The following PLCB1 variants were observed in gnomAD, a reference collection of about 807,000 sequenced individuals.
The protein encoded by PLCB1 is phospholipase C beta 1.
PLCB1 carries 46 observed loss-of-function variants against 161.8 expected under a neutral mutation model. That is an observed-to-expected ratio of 0.28 (90% CI 0.22 to 0.36). The LOEUF is 0.36. PLCB1 is among the 10% of genes least tolerant of loss of function. PLCB1 has a pLI of 1.00. For synonymous variants in PLCB1, 517 were observed against 503.7 expected (o/e 1.03, Z -0.35); for missense variants, 1,016 against 1,472.5 (o/e 0.69, Z 5.07).
At chr20:8,612,837 A>C (rs1680802033) in intron 3 of PLCB1, among the ~76,000 whole-genome samples, 1 of 152,222 alleles carries the variant, frequency 6.6e-6, no homozygotes, top group Non-Finnish European at 1.5e-5. Flanking sequence ...TGTACCCGCA[A>C]GAAGGACATT....
At chr20:8,533,111 G>T (rs2122924318) in intron 3 of PLCB1, among the ~76,000 whole-genome samples, 1 of 151,646 alleles carries the variant, frequency 6.6e-6, no homozygotes, top group South Asian at 2.1e-4. Context: ...AGAACATGCG[G>T]TGTTTGGTTT....
chr20:8,789,519 G>A lies in PLCB1; in HGVS notation c.3280G>A (p.Glu1094Lys). The A allele has an allele frequency of 6.2e-7, 1 of 1,606,718 alleles. No individual in the cohort carries two copies. Among genetic ancestry groups the A allele is most frequent in the South Asian group, 1.1e-5 (1 of 90,918 alleles). The change falls in exon 30 of 32, where the codon GAG becomes AAG. Residue 1094 changes from glutamate to lysine, a missense_variant and splice_region_variant. Glu to Lys is a moderately conservative substitution (Grantham distance 56). Transcript: ENST00000338037. Reference protein sequence around the residue: ...KSKDKSQMEEEKTEMIRSYIQ... With the variant: ...KSKDKSQMEEKKTEMIRSYIQ... ...GATGTATTCATCATTTGCTTTTAGGGAGAAGACAGAGATGATCCGGTCATA... is the reference window on the plus strand; with the variant it reads ...GATGTATTCATCATTTGCTTTTAGGAAGAAGACAGAGATGATCCGGTCATA...
chr20:8,169,772 G>T (rs904769444), intron 2 of PLCB1, among the ~76,000 whole-genome samples: 1 of 152,128 alleles, frequency 6.6e-6, no homozygotes, highest in Non-Finnish European at 1.5e-5. Context: ...GGTGCGTGGT[G>T]CATGTGGCCT....
intron 3 of PLCB1, among the ~76,000 whole-genome samples, chr20:8,432,425 A>G (rs1195168087): frequency 6.6e-6 from 1 of 152,104 alleles, no homozygotes; most frequent in African/African-American, 2.4e-5. Flanking sequence ...CATAAATCCA[A>G]TCCTATCCTA....
chr20:8,468,816 T>C (rs1422699292), intron 3 of PLCB1, among the ~76,000 whole-genome samples: 1 of 152,178 alleles, frequency 6.6e-6, no homozygotes, highest in Admixed American at 6.5e-5. Flanking sequence ...AAAAATGATA[T>C]TAATTTTATC....
chr20:8,715,996 TACAGCAAATG>T (rs1211175997), intron 12 of PLCB1: 31 of 370,952 alleles, frequency 8.4e-5, no homozygotes, highest in African/African-American at 6.1e-4. Flanking sequence ...AGGCTCCAGT[TACAGCAAATG>T]ACATGCTGTC....
At chr20:8,764,809 G>T (rs190192471) in intron 25 of PLCB1, among the ~76,000 whole-genome samples, 1 of 152,082 alleles carries the variant, frequency 6.6e-6, no homozygotes. Flanking sequence ...CCCCAGCCCC[G>T]TCTGCTTTCC....
chr20:8,292,122 G>C lies in PLCB1; in HGVS notation c.178-79260G>C, dbSNP rs148243827. On this transcript the variant is annotated intron_variant, in intron 2 of 31. Transcript: ENST00000338037. The stretch of plus-strand genomic sequence containing the variant: ...GGTTTTATGCTTATGACCCTCTGTG[G>C]TAATTCTAAGGGAGCTAAAGTTCTA... Among the ~76,000 whole-genome samples the C allele has an allele frequency of 5.6e-4, 85 of 152,178 alleles. 1 individual carries two copies. The highest frequency in any genetic ancestry group is 2.0e-3 in the African/African-American group (82 of 41,536).
At chr20:8,637,348 C>T (rs922501692) in intron 4 of PLCB1, among the ~76,000 whole-genome samples, 2 of 152,068 alleles carry the variant, frequency 1.3e-5, no homozygotes, top group African/African-American at 4.8e-5. Context: ...TATTTACAGG[C>T]ATAATCAGCC....
intron 31 of PLCB1, among the ~76,000 whole-genome samples, chr20:8,808,541 A>G (rs1384236357): frequency 6.6e-6 from 1 of 152,200 alleles, no homozygotes; most frequent in African/African-American, 2.4e-5. Flanking sequence ...GGTAGACACA[A>G]TTCAGTCCAT....
At chr20:8,615,499 T>C (rs1002246072) in intron 3 of PLCB1, among the ~76,000 whole-genome samples, 7 of 152,204 alleles carry the variant, frequency 4.6e-5, no homozygotes, top group Non-Finnish European at 8.8e-5. Context: ...AATGCAACAA[T>C]GCACAGACAT....
intron 2 of PLCB1, among the ~76,000 whole-genome samples, chr20:8,250,974 C>A (rs1173490019): frequency 1.3e-5 from 2 of 151,978 alleles, no homozygotes. Context: ...GCTATTACAA[C>A]AATACCTTAG....
intron 2 of PLCB1, among the ~76,000 whole-genome samples, chr20:8,332,419 C>A (rs1227949316): frequency 6.6e-6 from 1 of 152,142 alleles, no homozygotes; most frequent in African/African-American, 2.4e-5. Context: ...GTATATTAAC[C>A]AGAAAATTCT....
intron 9 of PLCB1, among the ~76,000 whole-genome samples, chr20:8,671,727 A>G (rs1291481865): frequency 6.6e-6 from 1 of 152,194 alleles, no homozygotes; most frequent in African/African-American, 2.4e-5. Flanking sequence ...AGAAGGCAGG[A>G]TACCTTTCCT....
chr20:8,449,946 G>A (rs1980999025), intron 3 of PLCB1, among the ~76,000 whole-genome samples: 1 of 152,112 alleles, frequency 6.6e-6, no homozygotes, highest in Non-Finnish European at 1.5e-5. Context: ...ATAAAACCTA[G>A]GCGTATTTGG....
intron 2 of PLCB1, among the ~76,000 whole-genome samples, chr20:8,231,739 G>A (rs963161536): frequency 2.6e-5 from 4 of 151,638 alleles, no homozygotes; most frequent in Admixed American, 1.3e-4. Flanking sequence ...CCCTGTGCAG[G>A]GCAGTCATTG....
rs535729001 is a variant in PLCB1, at chr20:8,697,382, T to C, written c.1010-244T>C. On this transcript the variant is annotated intron_variant, in intron 10 of 31. Transcript: ENST00000338037. The stretch of plus-strand genomic sequence containing the variant: ...AAACCTGTAATTGGCACATGGTAAA[T>C]AGTTAATAAACATGCATCGTTGTTA... Among the ~76,000 whole-genome samples, 70 of 152,316 alleles carry C rather than the reference T, an allele frequency of 4.6e-4. No homozygotes were observed. In the Middle Eastern group the frequency reaches 0.01, roughly 22 times the overall value.
At chr20:8,477,334 G>T (rs879225238) in intron 3 of PLCB1, among the ~76,000 whole-genome samples, 1 of 152,072 alleles carries the variant, frequency 6.6e-6, no homozygotes, top group African/African-American at 2.4e-5. Flanking sequence ...CTATCTAATC[G>T]TTTGGATGTC....
chr20:8,508,829 T>C (rs1983754520), intron 3 of PLCB1, among the ~76,000 whole-genome samples: 1 of 152,084 alleles, frequency 6.6e-6, no homozygotes, highest in Non-Finnish European at 1.5e-5. Flanking sequence ...ATGTATACAA[T>C]GAAAACTGAA....
Sources: gnomAD v4.1 joint callset for allele counts (sites outside exome capture counted in the v4.1 genomes callset) on GRCh38, gnomAD v4.1.1 for gene constraint, MANE v1.5 for transcripts, NCBI Gene and HGNC (gene_info 2026-07-23, HGNC 2026-07-21) for gene names.